The following MELK variants were observed in gnomAD, a reference collection of about 807,000 sequenced individuals.
MELK encodes maternal embryonic leucine zipper kinase.
Under a neutral mutation model 85.0 loss-of-function variants are expected in MELK, and 81 were observed. The observed-to-expected ratio is 0.95, with a 90% CI of 0.80 to 1.15. MELK has a LOEUF of 1.15. MELK is among the 50% of genes most tolerant of loss of function. MELK has a pLI of 0.00. For synonymous variants in MELK, 252 were observed against 265.0 expected (o/e 0.95, Z 0.48); for missense variants, 754 against 777.5 (o/e 0.97, Z 0.36).
At position 36,609,090 on chromosome 9, in the gene MELK, C is replaced by T. The variant is rs867086658; in HGVS notation, c.666+1417C>T. Among the ~76,000 whole-genome samples, 6 of 152,014 alleles carry T rather than the reference C, an allele frequency of 3.9e-5. No individual in the cohort carries two copies. The East Asian group carries it at 1.2e-3, about 29-fold the overall frequency. On this transcript the variant is annotated intron_variant, in intron 8 of 17. Transcript: ENST00000298048. Reference sequence around the variant, plus strand: ...TAAGCTTTGTTAAAATCCTATATATCAGAGACAGAGAGTAGATAAGTTGTT... The same window carrying T: ...TAAGCTTTGTTAAAATCCTATATATTAGAGACAGAGAGTAGATAAGTTGTT...
intron 10 of MELK, among the ~76,000 whole-genome samples, chr9:36,641,528 G>A (rs528468700): frequency 4.0e-5 from 6 of 151,840 alleles, no homozygotes; most frequent in Non-Finnish European, 7.4e-5. Context: ...CATTCCAGCT[G>A]TTCTGTGTAC....
At chr9:36,665,685 TAGG>T (rs150336304) in intron 14 of MELK, 104 bp downstream of exon 14, 14,211 of 808,556 alleles carry the variant, frequency 0.018, 200 homozygotes, top group Admixed American at 0.02. Flanking sequence ...CAGGAATTTC[TAGG>T]AGAAGTGAAG....
At chr9:36,616,551 A>C (rs1400734936) in intron 8 of MELK, among the ~76,000 whole-genome samples, 1 of 151,528 alleles carries the variant, frequency 6.6e-6, no homozygotes, top group Non-Finnish European at 1.5e-5. Flanking sequence ...CACCGCGCCT[A>C]GCTAATTTTT....
At chr9:36,640,805 T>C (rs1306843032) in intron 10 of MELK, among the ~76,000 whole-genome samples, 1 of 152,216 alleles carries the variant, frequency 6.6e-6, no homozygotes, top group Non-Finnish European at 1.5e-5. Context: ...AGCCCACTTG[T>C]GACCTACTCA....
rs1399561249 is a variant in MELK, at chr9:36,614,424, G to GT, written c.666+6751_666+6752insT. 5.3e-4 allele frequency among the ~76,000 whole-genome samples: 25 copies of GT among 47,094 alleles called. No individual in the cohort carries two copies. In the South Asian group the frequency reaches 6.1e-3, roughly 12 times the overall value. The allele number at this position is 47,094 out of a possible 152,430, so 30.9% of individuals were successfully genotyped here. ...TGTCTTTTTTAAAAAATTATTTTTG[G>GT]GTTTTTTTTTTTTTTTTTTAATTTA... On this transcript the variant is annotated intron_variant, in intron 8 of 17. Coordinates refer to ENST00000298048, the MANE Select transcript of MELK (RefSeq NM_014791.4).
At chr9:36,601,252 T>C (rs936743292) in intron 7 of MELK, among the ~76,000 whole-genome samples, 4 of 152,198 alleles carry the variant, frequency 2.6e-5, no homozygotes, top group Admixed American at 6.5e-5. Context: ...GTCTAGGATA[T>C]GGTGCAGGAT....
At chr9:36,621,309 A>C (rs1473902610) in intron 8 of MELK, among the ~76,000 whole-genome samples, 6 of 138,762 alleles carry the variant, frequency 4.3e-5, no homozygotes, top group South Asian at 4.5e-4. Context: ...AAAAAAAAAA[A>C]AAAAAAAACT....
intron 8 of MELK, among the ~76,000 whole-genome samples, chr9:36,619,842 C>T (rs1331658591): frequency 1.3e-5 from 2 of 152,340 alleles, no homozygotes; most frequent in Non-Finnish European, 2.9e-5. Context: ...TGTTTCCCCC[C>T]TCCAAATGGA....
intron 16 of MELK, among the ~76,000 whole-genome samples, chr9:36,673,801 A>G (rs1281938647): frequency 6.6e-6 from 1 of 152,218 alleles, no homozygotes; most frequent in Non-Finnish European, 1.5e-5. Context: ...CACAATCAAG[A>G]TAATTTTTTA....
In MELK at chr9:36,633,126, A is replaced by T; in HGVS notation, c.760A>T (p.Met254Leu). The T allele has an allele frequency of 6.2e-7, 1 of 1,609,624 alleles. No homozygotes were observed. The highest frequency in any genetic ancestry group is 1.1e-5 in the South Asian group (1 of 89,538). ...LQVDPKKRIS[M>L]KNLLNHPWIM... The stretch of plus-strand genomic sequence containing the variant: ...GGTGGACCCAAAGAAACGGATTTCT[A>T]TGAAAAATCTATTGAACCATCCCTG... The change falls in exon 10 of 18, where the codon ATG (methionine) becomes TTG (leucine). Residue 254 changes from methionine (M) to leucine (L), a missense_variant. Transcript: ENST00000298048.
chr9:36,633,498 G>A (rs1828842730), intron 10 of MELK, among the ~76,000 whole-genome samples: 1 of 152,138 alleles, frequency 6.6e-6, no homozygotes, highest in Non-Finnish European at 1.5e-5. Context: ...TCTTGGACAA[G>A]TTACTTAACT....
intron 3 of MELK, among the ~76,000 whole-genome samples, chr9:36,584,569 G>A (rs1303608767): frequency 1.4e-5 from 2 of 145,772 alleles, no homozygotes; most frequent in Admixed American, 7.0e-5. Flanking sequence ...TCCAGACCTC[G>A]TGAACCGCGT....
At chr9:36,584,573 A>C (rs1380753646) in intron 3 of MELK, among the ~76,000 whole-genome samples, 1 of 121,280 alleles carries the variant, frequency 8.2e-6, no homozygotes, top group South Asian at 2.6e-4. Context: ...GACCTCGTGA[A>C]CCGCGTGCCT....
intron 10 of MELK, among the ~76,000 whole-genome samples, chr9:36,638,039 G>C (rs549481179): frequency 6.6e-6 from 1 of 152,286 alleles, no homozygotes; most frequent in East Asian, 1.9e-4. Flanking sequence ...GAGAGAGTGG[G>C]TGGTGCAAAT....
chr9:36,621,889 A>C (rs1244464413), intron 8 of MELK, among the ~76,000 whole-genome samples: 1 of 152,230 alleles, frequency 6.6e-6, no homozygotes, highest in Non-Finnish European at 1.5e-5. Flanking sequence ...ATTTGAATGC[A>C]CTAGTAGATC....
At position 36,599,468 on chromosome 9, in the gene MELK, A is replaced by C. The variant is rs772303710; in HGVS notation, c.549A>C (p.Lys183Asn). 1 of 1,611,322 alleles carries C rather than the reference A, an allele frequency of 6.2e-7. No individual in the cohort carries two copies. Among genetic ancestry groups the C allele is most frequent in the Non-Finnish European group, 8.5e-7 (1 of 1,177,582 alleles). The change falls in exon 7 of 18, where the codon AAA (lysine) becomes AAC (asparagine). Residue 183 changes from lysine to asparagine, a missense_variant. Lys to Asn is a moderately conservative substitution (Grantham distance 94). Transcript: ENST00000298048. ...CAGCACCTGAGTTAATACAAGGCAA[A>C]TCATATCTTGGATCAGAGGTAATTA... is the stretch of plus-strand genomic sequence containing the variant. ...AYAAPELIQG[K>N]SYLGSEADVW... is the part of the protein sequence containing the mutation.
At chr9:36,616,052 C>T (rs1000761237) in intron 8 of MELK, among the ~76,000 whole-genome samples, 4 of 152,252 alleles carry the variant, frequency 2.6e-5, no homozygotes, top group Non-Finnish European at 5.9e-5. Flanking sequence ...CTCCTCCAGC[C>T]GCTGCTTCCC....
chr9:36,664,251 A>G (rs1408202694), intron 13 of MELK, among the ~76,000 whole-genome samples: 1 of 152,130 alleles, frequency 6.6e-6, no homozygotes, highest in Non-Finnish European at 1.5e-5. Flanking sequence ...ATGCAAACAT[A>G]CTTATTTATG....
chr9:36,648,633 A>G (rs1350671714), intron 11 of MELK, among the ~76,000 whole-genome samples: 1 of 152,212 alleles, frequency 6.6e-6, no homozygotes, highest in African/African-American at 2.4e-5. Context: ...AACTTTGAGA[A>G]CGCTGAAACC....
Sources: allele counts gnomAD v4.1 joint callset (sites outside exome capture counted in the v4.1 genomes callset), GRCh38; gene constraint gnomAD v4.1.1; transcripts MANE v1.5; gene names NCBI Gene and HGNC (gene_info 2026-07-23, HGNC 2026-07-21).